Variants in ATXN7L1 observed in about 807,000 individuals in gnomAD.
ATXN7L1 encodes ataxin 7 like 1.
Under a neutral mutation model 70.8 loss-of-function variants are expected in ATXN7L1, and 15 were observed. The observed-to-expected ratio is 0.21, with a 90% CI of 0.14 to 0.33. The LOEUF (loss-of-function observed/expected upper bound fraction) is 0.33. Ranked by LOEUF, ATXN7L1 falls within the 10% of genes least tolerant of loss-of-function variation. The probability of loss-of-function intolerance (pLI) is 1.00; values close to 1 mark genes in which losing one functional copy is unlikely to be tolerated. For synonymous variants in ATXN7L1, 440 were observed against 445.1 expected (o/e 0.99, Z 0.14); for missense variants, 975 against 1,097.1 (o/e 0.89, Z 1.57).
At chr7:105,820,524 C>T (rs1809985015) in intron 2 of ATXN7L1, among the ~76,000 whole-genome samples, 1 of 152,198 alleles carries the variant, frequency 6.6e-6, no homozygotes, top group African/African-American at 2.4e-5. Flanking sequence ...CACAACAAAG[C>T]TCGGCCATGT....
chr7:105,676,606 G>A (rs932237303), intron 3 of ATXN7L1, among the ~76,000 whole-genome samples: 1 of 152,132 alleles, frequency 6.6e-6, no homozygotes, highest in Non-Finnish European at 1.5e-5. Context: ...TTGGGAGGCC[G>A]AGGTGGGTGG....
At chr7:105,611,467 G>T (rs1371486666) in intron 10 of ATXN7L1, among the ~76,000 whole-genome samples, 5 of 152,220 alleles carry the variant, frequency 3.3e-5, no homozygotes, top group African/African-American at 1.2e-4. Context: ...TGCCTCTGGG[G>T]TTCAAGTGAT....
intron 2 of ATXN7L1, among the ~76,000 whole-genome samples, chr7:105,793,366 C>T: frequency 6.6e-6 from 1 of 152,150 alleles, no homozygotes; most frequent in East Asian, 1.9e-4. Context: ...GGCCTTGTAC[C>T]TTTTTCCAGG....
At chr7:105,863,412 T>A (rs1816928681) in intron 2 of ATXN7L1, among the ~76,000 whole-genome samples, 1 of 152,194 alleles carries the variant, frequency 6.6e-6, no homozygotes, top group Non-Finnish European at 1.5e-5. Flanking sequence ...GCCATTTTGC[T>A]TAAAGAACAA....
intron 3 of ATXN7L1, among the ~76,000 whole-genome samples, chr7:105,783,286 A>G (rs1803802398): frequency 6.6e-6 from 1 of 152,198 alleles, no homozygotes; most frequent in Non-Finnish European, 1.5e-5. Flanking sequence ...CTTTATCCCC[A>G]GTTTCTGGCA....
At chr7:105,869,898 T>C (rs1817996419) in intron 2 of ATXN7L1, among the ~76,000 whole-genome samples, 1 of 152,202 alleles carries the variant, frequency 6.6e-6, no homozygotes, top group Non-Finnish European at 1.5e-5. Context: ...GTATAAACTC[T>C]TCTTAGCCAT....
At chr7:105,611,814 C>A (rs1793178402) in intron 10 of ATXN7L1, among the ~76,000 whole-genome samples, 1 of 152,188 alleles carries the variant, frequency 6.6e-6, no homozygotes, top group Admixed American at 6.5e-5. Flanking sequence ...CATGCGTTGC[C>A]CCGACCCCGA....
At chr7:105,772,062 A>G (rs1802082538) in intron 3 of ATXN7L1, among the ~76,000 whole-genome samples, 1 of 140,354 alleles carries the variant, frequency 7.1e-6, no homozygotes, top group Admixed American at 7.3e-5. Context: ...ATCAGATTGG[A>G]ATTTTTTTTT....
At chr7:105,791,339 T>C in intron 2 of ATXN7L1, among the ~76,000 whole-genome samples, 1 of 152,188 alleles carries the variant, frequency 6.6e-6, no homozygotes. Flanking sequence ...ACACACTGTC[T>C]TCTGGGAGTT....
At chr7:105,656,608 T>C (rs1800684839) in intron 4 of ATXN7L1, among the ~76,000 whole-genome samples, 1 of 146,968 alleles carries the variant, frequency 6.8e-6, no homozygotes, top group Non-Finnish European at 1.5e-5. Flanking sequence ...TCTCGCTCTG[T>C]CACCCACACT....
chr7:105,828,919 A>G (rs1563126424), intron 2 of ATXN7L1, among the ~76,000 whole-genome samples: 1 of 152,228 alleles, frequency 6.6e-6, no homozygotes, highest in Non-Finnish European at 1.5e-5. Context: ...GCTATTTTCT[A>G]TGAAGATACT....
At chr7:105,763,607 T>C (rs150749248) in intron 3 of ATXN7L1, among the ~76,000 whole-genome samples, 6 of 152,212 alleles carry the variant, frequency 3.9e-5, no homozygotes, top group African/African-American at 7.2e-5. Context: ...TTTTTGCTCA[T>C]CTGCAATTTC....
intron 2 of ATXN7L1, among the ~76,000 whole-genome samples, chr7:105,853,950 C>T (rs1261280217): frequency 6.6e-6 from 1 of 152,086 alleles, no homozygotes; most frequent in African/African-American, 2.4e-5. Context: ...TTCCCGGGGC[C>T]CGACACCTCC....
At chr7:105,761,595 T>C (rs1725993556) in intron 3 of ATXN7L1, 1 of 1,124,684 alleles carries the variant, frequency 8.9e-7, no homozygotes, top group Non-Finnish European at 1.3e-6. Flanking sequence ...GTTGCTTAAA[T>C]GCGTCTTCAT....
At chr7:105,615,748 A>G (rs1485452450) in intron 9 of ATXN7L1, among the ~76,000 whole-genome samples, 3 of 152,120 alleles carry the variant, frequency 2.0e-5, no homozygotes, top group Admixed American at 6.5e-5. Flanking sequence ...TGTGGACAGG[A>G]GGAGAAAAAC....
intron 3 of ATXN7L1, among the ~76,000 whole-genome samples, chr7:105,678,703 A>G (rs2049372749): frequency 6.6e-6 from 1 of 152,228 alleles, no homozygotes; most frequent in Admixed American, 6.5e-5. Flanking sequence ...GGTTCATTGC[A>G]GCTGGCTTCC....
intron 2 of ATXN7L1, among the ~76,000 whole-genome samples, chr7:105,820,673 G>C (rs1025959239): frequency 3.3e-5 from 5 of 152,158 alleles, no homozygotes; most frequent in African/African-American, 1.2e-4. Context: ...AGATCACCTT[G>C]ATATGGTTTG....
intron 3 of ATXN7L1, among the ~76,000 whole-genome samples, chr7:105,667,170 C>T (rs79649309): frequency 6.6e-6 from 1 of 152,090 alleles, no homozygotes; most frequent in African/African-American, 2.4e-5. Flanking sequence ...CCCTGTGACA[C>T]AGGCAGGAAG....
intron 3 of ATXN7L1, among the ~76,000 whole-genome samples, chr7:105,722,060 C>T (rs1279607044): frequency 6.6e-6 from 1 of 152,182 alleles, no homozygotes; most frequent in Non-Finnish European, 1.5e-5. Context: ...ATTTAGTTGC[C>T]TGTCCCAACT....
Sources: gnomAD v4.1 joint callset for allele counts (sites outside exome capture counted in the v4.1 genomes callset) on GRCh38, gnomAD v4.1.1 for gene constraint, MANE v1.5 for transcripts, NCBI Gene and HGNC (gene_info 2026-07-23, HGNC 2026-07-21) for gene names.